CNTNAP2: variants seen among roughly 807,000 people sequenced by gnomAD.
CNTNAP2 encodes contactin associated protein 2.
Under a neutral mutation model 155.2 loss-of-function variants are expected in CNTNAP2, and 98 were observed. That is an observed-to-expected ratio of 0.63 (90% CI 0.54 to 0.75). The LOEUF (loss-of-function observed/expected upper bound fraction) is 0.75, where lower values mean the gene tolerates loss of function less well. CNTNAP2 is among the 30% of genes least tolerant of loss of function. The probability of loss-of-function intolerance (pLI) is 0.00; values close to 1 mark genes in which losing one functional copy is unlikely to be tolerated. For synonymous variants in CNTNAP2, 651 were observed against 631.2 expected, an observed-to-expected ratio of 1.03 and a Z score of -0.47; for missense variants, 1,727 against 1,688.1, an observed-to-expected ratio of 1.02 and a Z score of -0.40.
chr7:147,941,866 A>G (rs987576686), intron 14 of CNTNAP2, among the ~76,000 whole-genome samples: 2 of 152,186 alleles, frequency 1.3e-5, no homozygotes, highest in Non-Finnish European at 2.9e-5. Flanking sequence ...TTAAATGATT[A>G]CGCTGGATTA....
At chr7:148,246,904 G>A (rs1023149907) in intron 20 of CNTNAP2, among the ~76,000 whole-genome samples, 2 of 152,172 alleles carry the variant, frequency 1.3e-5, no homozygotes, top group Admixed American at 6.5e-5. Context: ...CTTGCTGAGC[G>A]TGGTATCTTG....
rs550092481 is a variant in CNTNAP2, at chr7:146,672,234, A to G, written c.98-102037A>G. Reference sequence around the variant, plus strand: ...CGCAGTGACCGTTCACTCTTCAGCAAATCTTTCTTAGTTGAAATAGCCCTC... The same window carrying G: ...CGCAGTGACCGTTCACTCTTCAGCAGATCTTTCTTAGTTGAAATAGCCCTC... On this transcript the variant is annotated intron_variant, in intron 1 of 23. Transcript: ENST00000361727. 2.0e-5 allele frequency among the ~76,000 whole-genome samples: 3 copies of G among 152,310 alleles called. No individual in the cohort carries two copies. The South Asian group carries it at 6.2e-4, about 32-fold the overall frequency.
chr7:146,253,258 A>G (rs1296538907), intron 1 of CNTNAP2, among the ~76,000 whole-genome samples: 2 of 152,178 alleles, frequency 1.3e-5, no homozygotes. Flanking sequence ...TCCACTTGGA[A>G]TGGCTTTTCT....
At chr7:148,304,493 A>G (rs528062849) in intron 21 of CNTNAP2, among the ~76,000 whole-genome samples, 14 of 152,310 alleles carry the variant, frequency 9.2e-5, no homozygotes, top group South Asian at 4.1e-4. Context: ...AGGGGTCAGC[A>G]GACTTTTCCT....
At chr7:146,679,807 C>G (rs1023113593) in intron 1 of CNTNAP2, among the ~76,000 whole-genome samples, 11 of 152,040 alleles carry the variant, frequency 7.2e-5, no homozygotes, top group African/African-American at 2.4e-4. Flanking sequence ...GGTAACATTA[C>G]TTGACTTCAA....
At chr7:147,468,850 TTTTCC>T (rs1242745233) in intron 10 of CNTNAP2, among the ~76,000 whole-genome samples, 5 of 59,194 alleles carry the variant, frequency 8.4e-5, no homozygotes, top group African/African-American at 4.3e-4. Context: ...TCTTTTTTTT[TTTTCC>T]CCCCAGACAG....
intron 1 of CNTNAP2, among the ~76,000 whole-genome samples, chr7:146,357,911 A>C (rs536137162): frequency 9.3e-5 from 14 of 150,830 alleles, no homozygotes; most frequent in Admixed American, 2.0e-4. Flanking sequence ...AAAAGAATGC[A>C]CCCCGCCCCC....
At chr7:147,934,030 G>A (rs1029735233) in intron 14 of CNTNAP2, among the ~76,000 whole-genome samples, 1 of 152,216 alleles carries the variant, frequency 6.6e-6, no homozygotes, top group African/African-American at 2.4e-5. Context: ...GAAGCAAAGA[G>A]TAGAATGCTG....
intron 10 of CNTNAP2, among the ~76,000 whole-genome samples, chr7:147,440,176 G>C (rs1458923802): frequency 6.6e-6 from 1 of 151,798 alleles, no homozygotes; most frequent in Non-Finnish European, 1.5e-5. Context: ...TAGTGAGGGT[G>C]ATTTTCTCTG....
chr7:146,291,040 C>G (rs922833377), intron 1 of CNTNAP2, among the ~76,000 whole-genome samples: 3 of 152,180 alleles, frequency 2.0e-5, no homozygotes, highest in Non-Finnish European at 4.4e-5. Context: ...CCATTTCATT[C>G]TGCTTTTCTC....
At chr7:146,628,819 A>G (rs2129158281) in intron 1 of CNTNAP2, among the ~76,000 whole-genome samples, 1 of 152,200 alleles carries the variant, frequency 6.6e-6, no homozygotes, top group African/African-American at 2.4e-5. Context: ...GTTAAGAATC[A>G]TTTAAGCAGC....
chr7:148,115,522 C>A (rs979308412), intron 15 of CNTNAP2, among the ~76,000 whole-genome samples: 1 of 152,146 alleles, frequency 6.6e-6, no homozygotes, highest in Non-Finnish European at 1.5e-5. Context: ...GGCTCTCACC[C>A]AATTAGGATG....
chr7:146,295,243 A>G (rs1024735149), intron 1 of CNTNAP2, among the ~76,000 whole-genome samples: 1 of 152,194 alleles, frequency 6.6e-6, no homozygotes, highest in Non-Finnish European at 1.5e-5. Flanking sequence ...ATCCAGGACT[A>G]TTATTTGTAC....
chr7:148,048,221 G>A (rs1340665367), intron 15 of CNTNAP2, among the ~76,000 whole-genome samples: 3 of 151,708 alleles, frequency 2.0e-5, no homozygotes, highest in Non-Finnish European at 2.9e-5. Context: ...ACCACACCCA[G>A]CCACTGGGTG....
At chr7:148,055,883 C>T (rs1189427814) in intron 15 of CNTNAP2, among the ~76,000 whole-genome samples, 1 of 152,120 alleles carries the variant, frequency 6.6e-6, no homozygotes, top group African/African-American at 2.4e-5. Flanking sequence ...CATGATTTTG[C>T]AATTTATAGC....
chr7:147,140,640 G>T (rs1489158085), intron 8 of CNTNAP2, among the ~76,000 whole-genome samples: 1 of 151,996 alleles, frequency 6.6e-6, no homozygotes, highest in Non-Finnish European at 1.5e-5. Context: ...ACATATAGTG[G>T]ATTGGGGAAA....
chr7:147,175,213 G>A (rs1275444549), intron 8 of CNTNAP2, among the ~76,000 whole-genome samples: 4 of 151,902 alleles, frequency 2.6e-5, no homozygotes, highest in Non-Finnish European at 5.9e-5. Flanking sequence ...CAAGATTAAG[G>A]ATTTCATCTA....
chr7:148,330,732 T>C (rs62649286), intron 21 of CNTNAP2, among the ~76,000 whole-genome samples: 140,006 of 141,290 alleles, frequency 0.99, 69,376 homozygotes, highest in Non-Finnish European at 1. Context: ...AGGGAATGGA[T>C]GGATGGATGG....
intron 22 of CNTNAP2, among the ~76,000 whole-genome samples, chr7:148,392,785 A>C (rs1376908131): frequency 1.3e-5 from 2 of 152,136 alleles, no homozygotes; most frequent in East Asian, 3.9e-4. Flanking sequence ...GTGGCTGAAA[A>C]CCAGCCCTCT....
Sources: allele counts gnomAD v4.1 joint callset (sites outside exome capture counted in the v4.1 genomes callset), GRCh38; gene constraint gnomAD v4.1.1; transcripts MANE v1.5; gene names NCBI Gene and HGNC (gene_info 2026-07-23, HGNC 2026-07-21).